The following FGF12 variants were observed in gnomAD, a reference collection of about 807,000 sequenced individuals.
The protein encoded by FGF12 is fibroblast growth factor 12B.
In FGF12, 14 loss-of-function variants were observed where a neutral mutation model predicts 23.6. That is an observed-to-expected ratio of 0.59 (90% CI 0.39 to 0.93). The LOEUF is 0.93. Ranked by LOEUF, FGF12 falls within the 40% of genes least tolerant of loss-of-function variation. The probability of loss-of-function intolerance (pLI) is 0.00; values close to 1 mark genes in which losing one functional copy is unlikely to be tolerated. For missense variants in FGF12, 175 were observed against 217.8 expected (o/e 0.80, Z 1.24); for synonymous variants, 62 against 77.3 (o/e 0.80, Z 1.04).
intron 2 of FGF12, among the ~76,000 whole-genome samples, chr3:192,634,810 T>C (rs1276619631): frequency 2.6e-5 from 4 of 152,182 alleles, no homozygotes; most frequent in Non-Finnish European, 1.5e-5. Flanking sequence ...ACTGTGAGTG[T>C]TTAAAAAGAA....
intron 4 of FGF12, among the ~76,000 whole-genome samples, chr3:192,236,237 T>A (rs1000941938): frequency 1.8e-3 from 2 of 1,090 alleles, no homozygotes; most frequent in African/African-American, 0.014. Context: ...TTGTATGATG[T>A]CATTTTTTTT....
intron 2 of FGF12, among the ~76,000 whole-genome samples, chr3:192,434,961 T>C (rs896281297): frequency 9.2e-5 from 14 of 152,148 alleles, no homozygotes; most frequent in African/African-American, 1.4e-4. Context: ...GTCTTAGCCA[T>C]TGAAGGGTTT....
chr3:192,415,733 C>CAT (rs1553810109), intron 2 of FGF12, among the ~76,000 whole-genome samples: 8 of 100,036 alleles, frequency 8.0e-5, no homozygotes, highest in East Asian at 6.8e-4. Flanking sequence ...CTCTCTCTCT[C>CAT]ACACACACAC....
intron 4 of FGF12, among the ~76,000 whole-genome samples, chr3:192,243,527 C>T (rs1316469727): frequency 9.0e-6 from 1 of 111,366 alleles, no homozygotes; most frequent in Non-Finnish European, 1.7e-5. Context: ...ATTAGGGCAG[C>T]TTTATGGAAA....
chr3:192,690,062 T>C (rs986829837), intron 2 of FGF12, among the ~76,000 whole-genome samples: 12 of 152,054 alleles, frequency 7.9e-5, no homozygotes, highest in Admixed American at 2.6e-4. Context: ...CAAAGCTGTC[T>C]TTCAGAAAAG....
intron 2 of FGF12, among the ~76,000 whole-genome samples, chr3:192,531,064 G>A (rs865960690): frequency 5.9e-5 from 9 of 152,222 alleles, no homozygotes; most frequent in African/African-American, 1.7e-4. Flanking sequence ...CACCCACCTC[G>A]GCCTCTCAAA....
At chr3:192,723,082 C>T (rs892647189) in intron 2 of FGF12, among the ~76,000 whole-genome samples, 5 of 151,976 alleles carry the variant, frequency 3.3e-5, no homozygotes, top group Admixed American at 6.6e-5. Context: ...TTAGAAGTGC[C>T]TTGATTTAAG....
At position 192,170,599 on chromosome 3, in the gene FGF12, T is replaced by C; in HGVS notation, c.286A>G (p.Ile96Val). The C allele has an allele frequency of 6.2e-7, 1 of 1,613,160 alleles. No homozygotes were observed. The highest frequency in any genetic ancestry group is 8.5e-7 in the Non-Finnish European group (1 of 1,179,876). The change falls in exon 5 of 6, where the codon ATC becomes GTC. Residue 96 changes from isoleucine to valine, a missense_variant. By Grantham distance (29) the Ile-to-Val change is conservative. Coordinates refer to ENST00000445105, the MANE Select transcript of FGF12 (RefSeq NM_004113.6). Reference sequence around the variant, plus strand: ...TGGCGGTACAGTGTGGAAGAATAGATCACATAGTAGTTTTCAAACACAGAT... The same window carrying C: ...TGGCGGTACAGTGTGGAAGAATAGACCACATAGTAGTTTTCAAACACAGAT... The part of the protein sequence containing the change: ...KESVFENYYV[I>V]YSSTLYRQQE...
chr3:192,261,083 G>A (rs968243523), intron 4 of FGF12, among the ~76,000 whole-genome samples: 2 of 152,124 alleles, frequency 1.3e-5, no homozygotes, highest in African/African-American at 4.8e-5. Flanking sequence ...CACAGGGTAC[G>A]CAGGGGCTGA....
chr3:192,438,405 G>C (rs1009739287), intron 2 of FGF12, among the ~76,000 whole-genome samples: 1 of 152,138 alleles, frequency 6.6e-6, no homozygotes, highest in African/African-American at 2.4e-5. Context: ...GGTATAAATG[G>C]ATACAAAAGT....
In FGF12 at chr3:192,314,035, C is replaced by T. The variant is rs189372350; in HGVS notation, c.228+21326G>A. 7.4e-4 allele frequency among the ~76,000 whole-genome samples: 112 copies of T among 152,288 alleles called. 1 individual carries two copies. Among genetic ancestry groups the T allele is most frequent in the Non-Finnish European group, 1.6e-4 (11 of 68,024 alleles). On this transcript the variant is annotated intron_variant, in intron 4 of 5. Coordinates refer to ENST00000445105, the MANE Select transcript of FGF12 (RefSeq NM_004113.6). ...AGAGACAGGGAAGAGCATGCCTCCT[C>T]TTTCTCTGCCCACCACCACGTGAGT...
chr3:192,309,708 A>G (rs1253170489), intron 4 of FGF12, among the ~76,000 whole-genome samples: 1 of 152,206 alleles, frequency 6.6e-6, no homozygotes, highest in Non-Finnish European at 1.5e-5. Context: ...AGACATGAGC[A>G]CTGACTGAGT....
At chr3:192,587,857 G>A (rs1713436648) in intron 2 of FGF12, among the ~76,000 whole-genome samples, 1 of 151,820 alleles carries the variant, frequency 6.6e-6, no homozygotes. Flanking sequence ...ATCTGAAAAT[G>A]TGAGGAAAAA....
chr3:192,310,657 T>C (rs892864010), intron 4 of FGF12, among the ~76,000 whole-genome samples: 3 of 152,144 alleles, frequency 2.0e-5, no homozygotes, highest in African/African-American at 7.2e-5. Context: ...GGACAGAAAG[T>C]AAAAATCTGT....
chr3:192,312,186 C>T lies in FGF12; in HGVS notation c.228+23175G>A, dbSNP rs540408871. On this transcript the variant is annotated intron_variant, in intron 4 of 5. Transcript: ENST00000445105. ...TATGATGAAATTCAACATATCGATTCTTCTTTTGTTGGTTGTGCTTTAGAT... is the reference window on the plus strand; with the variant it reads ...TATGATGAAATTCAACATATCGATTTTTCTTTTGTTGGTTGTGCTTTAGAT... 7.9e-5 allele frequency among the ~76,000 whole-genome samples: 12 copies of T among 152,144 alleles called. No homozygotes were observed. In the South Asian group the frequency reaches 2.5e-3, roughly 32 times the overall value.
intron 2 of FGF12, among the ~76,000 whole-genome samples, chr3:192,630,929 C>G (rs546298713): frequency 6.6e-6 from 1 of 152,048 alleles, no homozygotes; most frequent in Non-Finnish European, 1.5e-5. Context: ...CTTCTTCCCC[C>G]CAACAGCTGA....
chr3:192,166,742 T>A (rs1715181418), intron 5 of FGF12, among the ~76,000 whole-genome samples: 1 of 152,180 alleles, frequency 6.6e-6, no homozygotes. Flanking sequence ...AACTGTTAGC[T>A]AAGATTGTTC....
chr3:192,422,037 ATTTTT>A (rs11432834), intron 2 of FGF12, among the ~76,000 whole-genome samples: 20 of 150,304 alleles, frequency 1.3e-4, no homozygotes, highest in Non-Finnish European at 1.0e-4. Context: ...GCTTTAGTTT[ATTTTT>A]TTTTGGCTTT....
At chr3:192,691,536 G>T (rs529407591) in intron 2 of FGF12, among the ~76,000 whole-genome samples, 2 of 151,988 alleles carry the variant, frequency 1.3e-5, no homozygotes, top group Admixed American at 6.5e-5. Flanking sequence ...TACTGTAAAA[G>T]CACTCCTAAG....
Sources: allele counts gnomAD v4.1 joint callset (sites outside exome capture counted in the v4.1 genomes callset), GRCh38; gene constraint gnomAD v4.1.1; transcripts MANE v1.5; gene names NCBI Gene and HGNC (gene_info 2026-07-23, HGNC 2026-07-21).